Variants in SH3PXD2B observed in about 807,000 individuals in gnomAD.
SH3PXD2B encodes the protein SH3 and PX domain-containing protein 2B.
SH3PXD2B carries 37 observed loss-of-function variants against 73.1 expected under a neutral mutation model. The observed-to-expected ratio is 0.51, with a 90% confidence interval of 0.39 to 0.67. SH3PXD2B has a LOEUF of 0.67. SH3PXD2B is among the 30% of genes least tolerant of loss of function. SH3PXD2B has a pLI of 0.00. For missense variants in SH3PXD2B, 1,053 were observed against 1,197.8 expected, an observed-to-expected ratio of 0.88 and a Z score of 1.78; for synonymous variants, 457 against 480.5, an observed-to-expected ratio of 0.95 and a Z score of 0.64.
rs1756759500 is a variant in SH3PXD2B, at chr5:172,338,570, G to A, written c.2535C>T (p.Pro845=). ...NREKAAAASV[P]NADGLKDSLY... ...AAGAGTCCTTCAGGCCGTCGGCATT[G>A]GGGACAGAGGCTGCAGCTGCTTTCT... Residue 845 remains proline, a synonymous_variant, in exon 13 of 13, where the codon CCC becomes CCT. Transcript: ENST00000311601. This position sits in a 1 kb window ranked among gnomAD's most constrained non-coding sequence, Gnocchi z 5.1. The A allele has an allele frequency of 6.2e-7, 1 of 1,614,160 alleles. No individual in the cohort carries two copies. The highest frequency in any genetic ancestry group is 1.1e-5 in the South Asian group (1 of 91,076).
In SH3PXD2B at chr5:172,338,367, G is replaced by A. The variant is rs746897969; in HGVS notation, c.*2C>T. On this transcript the variant is annotated 3_prime_UTR_variant, in exon 13 of 13. Coordinates refer to ENST00000311601, the MANE Select transcript of SH3PXD2B (RefSeq NM_001017995.3). The surrounding 1 kb of genome is among the most constrained non-coding windows in gnomAD (Gnocchi z 5.1). ...GGGCCCTCTAGGCAGAAAGGGAGTC[G>A]GCTACGGCTTCTTTCTGAGATAGTT... The A allele has an allele frequency of 9.3e-6, 15 of 1,613,966 alleles. No individual in the cohort carries two copies. The highest frequency in any genetic ancestry group is 8.8e-5 in the South Asian group (8 of 91,076).
At chr5:172,397,508 T>C (rs1051996504) in intron 3 of SH3PXD2B, among the ~76,000 whole-genome samples, 1 of 152,228 alleles carries the variant, frequency 6.6e-6, no homozygotes, top group African/African-American at 2.4e-5. Flanking sequence ...GTTTTGCAGC[T>C]TGGGGGGCAT....
chr5:172,357,694 C>T (rs1405253101), intron 8 of SH3PXD2B, among the ~76,000 whole-genome samples: 1 of 152,154 alleles, frequency 6.6e-6, no homozygotes, highest in African/African-American at 2.4e-5. Flanking sequence ...TGATGGTAAC[C>T]CTGTGTTACC....
Position 172,339,468 on chromosome 5 carries a change from GTCC to G in SH3PXD2B, c.1634_1636del (p.Arg545del). On this transcript the variant is annotated inframe_deletion, in exon 13 of 13. Transcript: ENST00000311601. The surrounding 1 kb of genome is among the most constrained non-coding windows in gnomAD (Gnocchi z 6.1). ...GGGAGTGGGGCCCCGGAGCTGCTCCGTCCTCTGCCGCTCCCGCTCCCGCTCCAG... is the reference window on the plus strand; with the variant it reads ...GGGAGTGGGGCCCCGGAGCTGCTCCGTCTGCCGCTCCCGCTCCCGCTCCAG... The G allele has an allele frequency of 1.2e-6, 2 of 1,613,796 alleles. No homozygotes were observed. Among genetic ancestry groups the G allele is most frequent in the East Asian group, 4.5e-5 (2 of 44,868 alleles).
chr5:172,449,122 T>C lies in SH3PXD2B; in HGVS notation c.75+5156A>G, dbSNP rs113449988. Reference sequence around the variant, plus strand: ...AAGAGGGAGGTTTCAGGGCTGGCAGTACAGAGCCTGCAGAGCCATCACTCC... The same window carrying C: ...AAGAGGGAGGTTTCAGGGCTGGCAGCACAGAGCCTGCAGAGCCATCACTCC... On this transcript the variant is annotated intron_variant, in intron 1 of 12. Transcript: ENST00000311601. Among the ~76,000 whole-genome samples, 833 of 152,252 alleles carry C rather than the reference T, an allele frequency of 5.5e-3. 12 individuals are homozygous for C. Among genetic ancestry groups the C allele is most frequent in the African/African-American group, 0.019 (800 of 41,546 alleles).
intron 5 of SH3PXD2B, among the ~76,000 whole-genome samples, chr5:172,375,895 T>C (rs896898315): frequency 6.6e-6 from 1 of 152,240 alleles, no homozygotes; most frequent in East Asian, 1.9e-4. Context: ...CTAGGTCATA[T>C]GGTAACTCCA....
At chr5:172,329,083 A>ATATATATTTTTT (rs58472514), downstream of SH3PXD2B, among the ~76,000 whole-genome samples, 7 of 61,810 alleles carry the variant, frequency 1.1e-4, no homozygotes, top group Non-Finnish European at 1.6e-4. Context: ...ATATATATAT[A>ATATATATTTTTT]TTTTTTTTTT....
Position 172,338,859 on chromosome 5 carries a change from T to C in SH3PXD2B, c.2246A>G (p.Glu749Gly). The C allele has an allele frequency of 6.2e-7, 1 of 1,612,742 alleles. No individual in the cohort carries two copies. The highest frequency in any genetic ancestry group is 8.5e-7 in the Non-Finnish European group (1 of 1,178,854). Residue 749 changes from glutamate (E) to glycine (G), a missense_variant, in exon 13 of 13, where the codon GAG becomes GGG. Physicochemically the swap from Glu to Gly is moderately conservative, Grantham distance 98 (BLOSUM62 -2). This residue lies in a region of SH3PXD2B where 587 missense variants were observed against 590.7 expected (regional missense o/e 0.99). Transcript: ENST00000311601. The surrounding 1 kb of genome is among the most constrained non-coding windows in gnomAD (Gnocchi z 5.1). ...VSKSVPVPLQEAPQQRPVVPP... is the reference protein window; with the variant it reads ...VSKSVPVPLQGAPQQRPVVPP... Reference sequence around the variant, plus strand: ...GACCACAGGTCTCTGCTGGGGAGCCTCTTGGAGAGGAACAGGCACGCTCTT... The same window carrying C: ...GACCACAGGTCTCTGCTGGGGAGCCCCTTGGAGAGGAACAGGCACGCTCTT...
At chr5:172,361,540 G>T (rs1158416960) in intron 7 of SH3PXD2B, among the ~76,000 whole-genome samples, 1 of 152,142 alleles carries the variant, frequency 6.6e-6, no homozygotes, top group Non-Finnish European at 1.5e-5. Flanking sequence ...TGCAAGCTGG[G>T]GGCCCAGGGC....
intron 4 of SH3PXD2B, among the ~76,000 whole-genome samples, chr5:172,385,905 A>G (rs1758051019): frequency 6.6e-6 from 1 of 152,228 alleles, no homozygotes; most frequent in African/African-American, 2.4e-5. Flanking sequence ...CCGGGGCTGG[A>G]GAAACCATTC....
At chr5:172,327,002 A>G (rs78800565) in intron 12 of SH3PXD2B, among the ~76,000 whole-genome samples, 1 of 20,820 alleles carries the variant, frequency 4.8e-5, no homozygotes, top group East Asian at 1.6e-3. Context: ...GATTACAGGC[A>G]TGCGCCACCA....
intron 5 of SH3PXD2B, among the ~76,000 whole-genome samples, chr5:172,380,177 CT>C (rs1235613425): frequency 4.6e-5 from 7 of 152,106 alleles, no homozygotes; most frequent in Non-Finnish European, 1.0e-4. Flanking sequence ...CCCATCTCAG[CT>C]TCCTGAGTAT....
At chr5:172,359,216 G>A (rs1019681447) in intron 7 of SH3PXD2B, among the ~76,000 whole-genome samples, 20 of 151,758 alleles carry the variant, frequency 1.3e-4, no homozygotes, top group African/African-American at 4.8e-4. Flanking sequence ...ACAAAACCCT[G>A]TCTGTACGAA....
In SH3PXD2B at chr5:172,421,387, G is replaced by T. The variant is rs185075814; in HGVS notation, c.156+1029C>A. Reference sequence around the variant, plus strand: ...CCCTATAAGACTGGTAGTATACATGGTGTTCGTTCATTCATTCATTCATTC... The same window carrying T: ...CCCTATAAGACTGGTAGTATACATGTTGTTCGTTCATTCATTCATTCATTC... On this transcript the variant is annotated intron_variant, in intron 2 of 12. Coordinates refer to ENST00000311601, the MANE Select transcript of SH3PXD2B (RefSeq NM_001017995.3). This position sits in a 1 kb window ranked among gnomAD's most constrained non-coding sequence, Gnocchi z 4.0. Among the ~76,000 whole-genome samples the T allele has an allele frequency of 1.3e-3, 205 of 152,286 alleles. 4 individuals are homozygous for T. The East Asian group carries it at 0.036, about 27-fold the overall frequency.
At chr5:172,381,404 G>A (rs1309901189) in intron 5 of SH3PXD2B, among the ~76,000 whole-genome samples, 9 of 152,178 alleles carry the variant, frequency 5.9e-5, no homozygotes, top group African/African-American at 2.2e-4. Flanking sequence ...CAAAGCACCC[G>A]GGCCGGCCAG....
At chr5:172,419,281 A>G (rs1298433396) in intron 2 of SH3PXD2B, among the ~76,000 whole-genome samples, 1 of 151,944 alleles carries the variant, frequency 6.6e-6, no homozygotes, top group Non-Finnish European at 1.5e-5. Context: ...TCGACATGTC[A>G]GCAATGAACA....
Position 172,339,611 on chromosome 5 carries a change from T to C in SH3PXD2B, c.1494A>G (p.Ala498=). ...WKGSKDVLRK[A]SSDMSASAGY... is the part of the protein sequence containing the mutation. ...CTGCTGACGCAGACATGTCTGAAGATGCCTTCCTCAGGACATCCTTACTGC... is the reference window on the plus strand; with the variant it reads ...CTGCTGACGCAGACATGTCTGAAGACGCCTTCCTCAGGACATCCTTACTGC... Residue 498 remains alanine (A), a synonymous_variant, in exon 13 of 13, where the codon GCA becomes GCG. Coordinates refer to ENST00000311601, the MANE Select transcript of SH3PXD2B (RefSeq NM_001017995.3). The surrounding 1 kb of genome is among the most constrained non-coding windows in gnomAD (Gnocchi z 6.1). 1 of 1,614,258 alleles carries C rather than the reference T, an allele frequency of 6.2e-7. No individual in the cohort carries two copies. Among genetic ancestry groups the C allele is most frequent in the Non-Finnish European group, 8.5e-7 (1 of 1,180,044 alleles).
intron 4 of SH3PXD2B, among the ~76,000 whole-genome samples, chr5:172,390,860 T>TGTGTGTGTGTGA (rs949339165): frequency 7.0e-6 from 1 of 142,790 alleles, no homozygotes; most frequent in Non-Finnish European, 1.6e-5. Flanking sequence ...TGTGTGTGTG[T>TGTGTGTGTGTGA]GACAGAGTTT....
At chr5:172,356,201 T>C (rs2113304023) in intron 8 of SH3PXD2B, among the ~76,000 whole-genome samples, 1 of 152,228 alleles carries the variant, frequency 6.6e-6, no homozygotes, top group South Asian at 2.1e-4. Flanking sequence ...GTGATGTCCC[T>C]TAAAGGTACT....
Sources: allele counts gnomAD v4.1 joint callset (sites outside exome capture counted in the v4.1 genomes callset), GRCh38; gene constraint gnomAD v4.1.1; regional missense constraint gnomAD v4.1.1; non-coding constraint Gnocchi (gnomAD v3.1); transcripts MANE v1.5; gene names NCBI Gene and HGNC (gene_info 2026-07-23, HGNC 2026-07-21).